Variants in SH2D4A observed in about 807,000 individuals in gnomAD.
SH2D4A encodes the protein SH2 domain containing 4A.
In SH2D4A, 70 loss-of-function variants were observed where a neutral mutation model predicts 64.7. That is an observed-to-expected ratio of 1.08 (90% CI 0.89 to 1.32). SH2D4A has a LOEUF of 1.32. Among genes scored for constraint, SH2D4A ranks in the 40% most tolerant of loss-of-function variants. The pLI is 0.00. For synonymous variants in SH2D4A, 268 were observed against 200.7 expected, an observed-to-expected ratio of 1.34 and a Z score of -2.83; for missense variants, 706 against 540.1, an observed-to-expected ratio of 1.31 and a Z score of -3.04.
At chr8:19,333,830 A>C (rs2052400335) in intron 3 of SH2D4A, among the ~76,000 whole-genome samples, 1 of 152,190 alleles carries the variant, frequency 6.6e-6, no homozygotes, top group Non-Finnish European at 1.5e-5. Flanking sequence ...TTCCAGCTAC[A>C]GAAGGCCAGG....
At chr8:19,354,020 G>A (rs1253431125) in intron 4 of SH2D4A, among the ~76,000 whole-genome samples, 1 of 144,478 alleles carries the variant, frequency 6.9e-6, no homozygotes, top group African/African-American at 2.6e-5. Context: ...TTGACACGGA[G>A]TCTCACGGTC....
chr8:19,332,596 G>C (rs1470539289), intron 2 of SH2D4A, among the ~76,000 whole-genome samples: 1 of 110,034 alleles, frequency 9.1e-6, no homozygotes, highest in East Asian at 2.6e-4. Context: ...TACTTGGGAG[G>C]CTGAGGTGGG....
intron 8 of SH2D4A, among the ~76,000 whole-genome samples, chr8:19,374,738 C>G (rs1259584352): frequency 2.0e-5 from 3 of 152,086 alleles, no homozygotes; most frequent in Non-Finnish European, 4.4e-5. Flanking sequence ...CCCTCTCCTT[C>G]CCAGGATGAG....
intron 8 of SH2D4A, among the ~76,000 whole-genome samples, chr8:19,391,853 C>G (rs544117632): frequency 6.6e-6 from 1 of 152,302 alleles, no homozygotes; most frequent in East Asian, 1.9e-4. Context: ...TTGCCTTTTC[C>G]TGAGGTGGTT....
chr8:19,381,618 CTTCTT>C (rs902607621), intron 8 of SH2D4A, among the ~76,000 whole-genome samples: 73 of 152,262 alleles, frequency 4.8e-4, no homozygotes, highest in African/African-American at 1.6e-3. Context: ...GATAATTTAA[CTTCTT>C]TTCTAATTTG....
chr8:19,364,774 C>A (rs760191061), intron 7 of SH2D4A, among the ~76,000 whole-genome samples: 1 of 152,170 alleles, frequency 6.6e-6, no homozygotes, highest in Non-Finnish European at 1.5e-5. Context: ...GATGGTAATT[C>A]TCATTCACGG....
intron 8 of SH2D4A, among the ~76,000 whole-genome samples, chr8:19,386,100 A>G (rs2053387572): frequency 6.6e-6 from 1 of 152,186 alleles, no homozygotes; most frequent in Non-Finnish European, 1.5e-5. Flanking sequence ...TGTGGCAGAG[A>G]AGGACAGCTG....
chr8:19,385,493 G>T (rs144834368), intron 8 of SH2D4A, among the ~76,000 whole-genome samples: 6 of 152,036 alleles, frequency 3.9e-5, no homozygotes, highest in Non-Finnish European at 5.9e-5. Flanking sequence ...GAGCCACCAC[G>T]CCTGGCCACA....
rs894457671 is a variant in SH2D4A at position 19,344,584 on chromosome 8, A to G, written c.513+9727A>G. ...CCTGGATAATCTCATTTTAAGGTCC[A>G]TAGCTGGTAATTAATGTCTGAGGAG... On this transcript the variant is annotated intron_variant, in intron 4 of 9. Transcript: ENST00000265807. Among the ~76,000 whole-genome samples, 5 of 152,322 alleles carry G rather than the reference A, an allele frequency of 3.3e-5. No individual in the cohort carries two copies. In the East Asian group the frequency reaches 7.7e-4, roughly 23 times the overall value.
chr8:19,367,997 T>C (rs998891112), intron 7 of SH2D4A, among the ~76,000 whole-genome samples: 2 of 152,190 alleles, frequency 1.3e-5, no homozygotes, highest in African/African-American at 4.8e-5. Flanking sequence ...CTTCATGGCC[T>C]CATATATTCA....
intron 5 of SH2D4A, among the ~76,000 whole-genome samples, chr8:19,359,162 G>A (rs747474156): frequency 7.4e-4 from 112 of 152,232 alleles, no homozygotes; most frequent in African/African-American, 2.5e-3. Flanking sequence ...GAATAAATAC[G>A]GTGGTCAGGG....
At chr8:19,339,495 C>CTTTTTTTTTTTT (rs5889867) in intron 4 of SH2D4A, among the ~76,000 whole-genome samples, 1 of 129,026 alleles carries the variant, frequency 7.8e-6, no homozygotes, top group African/African-American at 3.0e-5. Context: ...TATAAACTTT[C>CTTTTTTTTTTTT]TTTTTTTTTT....
intron 8 of SH2D4A, among the ~76,000 whole-genome samples, chr8:19,383,653 G>A (rs1361277092): frequency 6.6e-6 from 1 of 151,568 alleles, no homozygotes; most frequent in East Asian, 1.9e-4. Context: ...TGTTTTTATT[G>A]TTATAGGCTT....
At chr8:19,380,088 A>C (rs780776033) in intron 8 of SH2D4A, among the ~76,000 whole-genome samples, 1 of 152,094 alleles carries the variant, frequency 6.6e-6, no homozygotes, top group Non-Finnish European at 1.5e-5. Context: ...GTGTGAGGTC[A>C]TATGTCATTA....
At chr8:19,343,989 C>T (rs1431684059) in intron 4 of SH2D4A, among the ~76,000 whole-genome samples, 2 of 152,110 alleles carry the variant, frequency 1.3e-5, no homozygotes, top group East Asian at 3.9e-4. Flanking sequence ...AGTGCAAAGC[C>T]TCATGTGTCG....
intron 1 of SH2D4A, among the ~76,000 whole-genome samples, chr8:19,317,704 C>G (rs2052113641): frequency 6.6e-6 from 1 of 152,136 alleles, no homozygotes; most frequent in Admixed American, 6.5e-5. Context: ...CATTACAAAT[C>G]TAACTGTATC....
intron 8 of SH2D4A, among the ~76,000 whole-genome samples, chr8:19,379,558 G>A (rs2053255618): frequency 6.6e-6 from 1 of 152,068 alleles, no homozygotes; most frequent in African/African-American, 2.4e-5. Flanking sequence ...AGGATTATAG[G>A]GTAATTCTAC....
rs772664815 is a variant in SH2D4A at position 19,319,573 on chromosome 8, T to C, written c.26T>C (p.Met9Thr). 2.5e-6 allele frequency: 4 copies of C among 1,580,626 alleles called. No homozygotes were observed. In the Admixed American group the frequency reaches 5.7e-5, roughly 22 times the overall value. Residue 9 changes from methionine to threonine, a missense_variant, in exon 2 of 10, where the codon ATG (methionine) becomes ACG (threonine). Transcript: ENST00000265807. ...ATGCTGAAACAGATACTGTCGGAGA[T>C]GTACATAGATCCTGATCTACTGGCA... MLKQILSEMYIDPDLLAEL... is the reference protein window; with the variant it reads MLKQILSETYIDPDLLAEL...
Position 19,322,831 on chromosome 8 carries a change from T to C in SH2D4A, c.181+3103T>C, listed in dbSNP as rs111352582. ...CTGGGATTATAAGCACCTGCTACCA[T>C]GCCCAGCTAATTTTTGTATTTTCAG... On this transcript the variant is annotated intron_variant, in intron 2 of 9. Transcript: ENST00000265807. Among the ~76,000 whole-genome samples the C allele has an allele frequency of 2.6e-3, 396 of 152,034 alleles. 2 individuals carry two copies. Among genetic ancestry groups the C allele is most frequent in the African/African-American group, 9.2e-3 (381 of 41,488 alleles).
Sources: gnomAD v4.1 joint callset for allele counts (sites outside exome capture counted in the v4.1 genomes callset) on GRCh38, gnomAD v4.1.1 for gene constraint, MANE v1.5 for transcripts, NCBI Gene and HGNC (gene_info 2026-07-23, HGNC 2026-07-21) for gene names.